PTPRN2: variants seen among roughly 807,000 people sequenced by gnomAD.
PTPRN2 encodes protein tyrosine phosphatase receptor type N2.
Under a neutral mutation model 118.8 loss-of-function variants are expected in PTPRN2, and 74 were observed. The observed-to-expected ratio is 0.62, with a 90% CI of 0.52 to 0.76. The LOEUF (loss-of-function observed/expected upper bound fraction) is 0.76. Among genes scored for constraint, PTPRN2 ranks in the 30% least tolerant of loss-of-function variants. The pLI is 0.00. For missense variants in PTPRN2, 1,481 were observed against 1,394.4 expected, an observed-to-expected ratio of 1.06 and a Z score of -0.99; for synonymous variants, 641 against 608.0, an observed-to-expected ratio of 1.05 and a Z score of -0.80.
chr7:158,218,912 T>C (rs180920291), intron 3 of PTPRN2, among the ~76,000 whole-genome samples: 20 of 152,222 alleles, frequency 1.3e-4, no homozygotes, highest in African/African-American at 2.4e-4. Context: ...GCACCCAACA[T>C]TGGGGCACCC....
Position 157,888,546 on chromosome 7 carries a change from GC to G in PTPRN2, c.1788+10126del, listed in dbSNP as rs1031761531. 4.0e-4 allele frequency among the ~76,000 whole-genome samples: 55 copies of G among 137,126 alleles called. 1 individual carries two copies. Among genetic ancestry groups the G allele is most frequent in the African/African-American group, 1.5e-3 (55 of 36,192 alleles). The allele number at this position is 137,126 out of a possible 152,430, so 90.0% of individuals were successfully genotyped here. On this transcript the variant is annotated intron_variant, in intron 12 of 22. Coordinates refer to ENST00000389418, the MANE Select transcript of PTPRN2 (RefSeq NM_002847.5). ...TCTCTGCCCCACCAGCCCATCCTGC[GC>G]CCCCCCACCCCCCAACATCCAATGC...
chr7:158,415,031 ACAAC>A (rs1814536885), intron 2 of PTPRN2, among the ~76,000 whole-genome samples: 1 of 23,880 alleles, frequency 4.2e-5, no homozygotes, highest in Non-Finnish European at 8.7e-5. Context: ...TCCTGATGAT[ACAAC>A]CAGCTACTTC....
At chr7:158,343,253 C>T (rs559509210) in intron 2 of PTPRN2, among the ~76,000 whole-genome samples, 2 of 152,288 alleles carry the variant, frequency 1.3e-5, no homozygotes, top group Admixed American at 1.3e-4. Context: ...CCTGAGTAGA[C>T]TTTTCTCCAG....
chr7:158,396,387 CGTGAG>C (rs1812500329), intron 2 of PTPRN2, among the ~76,000 whole-genome samples: 1 of 152,190 alleles, frequency 6.6e-6, no homozygotes, highest in Non-Finnish European at 1.5e-5. Context: ...GTGACAGCAT[CGTGAG>C]GTGAAGTCTG....
chr7:157,616,729 T>A (rs1459872901), intron 15 of PTPRN2: 1 of 152,020 alleles, frequency 6.6e-6, no homozygotes, highest in Non-Finnish European at 1.5e-5. Context: ...GGCTTAATCA[T>A]CAGAGTTAGG....
chr7:158,552,998 C>G (rs958829851), intron 1 of PTPRN2, among the ~76,000 whole-genome samples: 9 of 152,268 alleles, frequency 5.9e-5, no homozygotes, highest in African/African-American at 1.7e-4. Context: ...GTCTACACCA[C>G]CCTTCCTGTC....
chr7:157,975,424 C>G (rs1802666731), intron 11 of PTPRN2, among the ~76,000 whole-genome samples: 1 of 152,174 alleles, frequency 6.6e-6, no homozygotes, highest in Non-Finnish European at 1.5e-5. Context: ...CGGCTCAGGT[C>G]ACCATTGTGT....
chr7:158,074,474 C>T (rs556952969), intron 11 of PTPRN2, among the ~76,000 whole-genome samples: 4 of 152,164 alleles, frequency 2.6e-5, no homozygotes, highest in East Asian at 1.9e-4. Context: ...TTTTCAGAAG[C>T]GGGTTTTACA....
In PTPRN2 at chr7:158,138,515, C is replaced by T. The variant is rs374332627; in HGVS notation, c.911G>A (p.Gly304Glu). Reference protein sequence around the residue: ...DSEDPSSTGDGARIHTLLKDL... With the variant: ...DSEDPSSTGDEARIHTLLKDL... The stretch of plus-strand genomic sequence containing the variant: ...CTTCAGGAGGGTATGAATCCGTGCT[C>T]CTAGGGGCACACACACAAACACAAG... Residue 304 changes from glycine (G) to glutamate (E), a missense_variant and splice_region_variant, in exon 7 of 23, where the codon GGA becomes GAA. By Grantham distance (98) the Gly-to-Glu change is moderately conservative. Transcript: ENST00000389418. 29 of 1,610,134 alleles carry T rather than the reference C, an allele frequency of 1.8e-5. No individual in the cohort carries two copies. The highest frequency in any genetic ancestry group is 2.3e-5 in the Non-Finnish European group (27 of 1,179,678).
chr7:157,557,451 C>T (rs1479520486), intron 21 of PTPRN2, among the ~76,000 whole-genome samples: 3 of 151,648 alleles, frequency 2.0e-5, no homozygotes, highest in East Asian at 1.9e-4. Context: ...CCATATCACA[C>T]ACTCATACAC....
chr7:157,545,983 C>T (rs747941131), intron 22 of PTPRN2, among the ~76,000 whole-genome samples: 6 of 152,254 alleles, frequency 3.9e-5, no homozygotes, highest in Middle Eastern at 3.4e-3. Flanking sequence ...AGTTTAGTCT[C>T]GGGGCGATGT....
rs867222349 is a variant in PTPRN2 at position 157,929,206 on chromosome 7, C to T, written c.1724-30469G>A. Among the ~76,000 whole-genome samples the T allele has an allele frequency of 2.0e-5, 3 of 152,136 alleles. No homozygotes were observed. The highest frequency in any genetic ancestry group is 4.8e-5 in the African/African-American group (2 of 41,416). The stretch of plus-strand genomic sequence containing the variant: ...CGTTAGCAAATGCTGAAGGCAGGGT[C>T]GTCCCTGGCATGACCCCCTCCCCAT... On this transcript the variant is annotated intron_variant, in intron 11 of 22. Transcript: ENST00000389418. The surrounding 1 kb of genome is among the most constrained non-coding windows in gnomAD (Gnocchi z 4.4).
At chr7:157,759,651 TTGC>T (rs1802016726) in intron 12 of PTPRN2, among the ~76,000 whole-genome samples, 1 of 152,224 alleles carries the variant, frequency 6.6e-6, no homozygotes, top group Non-Finnish European at 1.5e-5. Flanking sequence ...TCTTCAGCGG[TTGC>T]TGTTATTGGT....
chr7:158,157,499 G>C (rs1474180166), intron 6 of PTPRN2, among the ~76,000 whole-genome samples: 1 of 152,234 alleles, frequency 6.6e-6, no homozygotes, highest in African/African-American at 2.4e-5. Flanking sequence ...TCCCAAATCT[G>C]AAAGCAGTGA....
At chr7:157,836,377 TC>T (rs1251492922) in intron 12 of PTPRN2, among the ~76,000 whole-genome samples, 2 of 152,236 alleles carry the variant, frequency 1.3e-5, no homozygotes, top group African/African-American at 4.8e-5. Flanking sequence ...TAGTTAGATT[TC>T]TAGGAGTGTA....
intron 11 of PTPRN2, among the ~76,000 whole-genome samples, chr7:157,936,350 C>T (rs959570665): frequency 3.3e-5 from 5 of 152,176 alleles, no homozygotes; most frequent in African/African-American, 1.2e-4. Flanking sequence ...GTTCACACGA[C>T]ATCCCAAACC....
Position 158,481,467 on chromosome 7 carries a change from T to G in PTPRN2, c.163+8268A>C, listed in dbSNP as rs185846682. Among the ~76,000 whole-genome samples, 221 of 152,314 alleles carry G rather than the reference T, an allele frequency of 1.5e-3. 1 individual carries two copies. Among genetic ancestry groups the G allele is most frequent in the Non-Finnish European group, 2.7e-3 (182 of 68,034 alleles). On this transcript the variant is annotated intron_variant, in intron 2 of 22. Transcript: ENST00000389418. The stretch of plus-strand genomic sequence containing the variant: ...AAAAAATAATTTCCATTTCAAGACA[T>G]ATATACAAATATTTTGAGGTAGAGT...
At chr7:157,840,402 GTGTGTGAC>G (rs1204147448) in intron 12 of PTPRN2, among the ~76,000 whole-genome samples, 12 of 123,356 alleles carry the variant, frequency 9.7e-5, no homozygotes, top group South Asian at 7.1e-4. Context: ...CTGTGTGACC[GTGTGTGAC>G]TGTGTGACTG....
chr7:157,606,320 T>A (rs1801999585), intron 15 of PTPRN2, among the ~76,000 whole-genome samples: 1 of 152,190 alleles, frequency 6.6e-6, no homozygotes, highest in African/African-American at 2.4e-5. Context: ...CAGCTACGGT[T>A]TGGGCAGCTG....
Sources: allele counts gnomAD v4.1 joint callset (sites outside exome capture counted in the v4.1 genomes callset), GRCh38; gene constraint gnomAD v4.1.1; non-coding constraint Gnocchi (gnomAD v3.1); transcripts MANE v1.5; gene names NCBI Gene and HGNC (gene_info 2026-07-23, HGNC 2026-07-21).